The following KCNK4 variants were observed in gnomAD, a reference collection of about 807,000 sequenced individuals.
KCNK4 encodes the protein potassium channel subfamily K member 4.
Under a neutral mutation model 28.8 loss-of-function variants are expected in KCNK4, and 22 were observed. The ratio of observed to expected loss-of-function variants is 0.76; its 90% CI spans 0.55 to 1.09. The LOEUF is 1.09. KCNK4 is among the 50% of genes least tolerant of loss of function. The probability of loss-of-function intolerance (pLI) is 0.00; values close to 1 mark genes in which losing one functional copy is unlikely to be tolerated. For synonymous variants in KCNK4, 263 were observed against 252.9 expected (o/e 1.04, Z -0.38); for missense variants, 483 against 546.3 (o/e 0.88, Z 1.15).
At chr11:64,291,914 CG>C in intron 1 of KCNK4, 1 of 624,102 alleles carries the variant, frequency 1.6e-6, no homozygotes, top group Non-Finnish European at 2.1e-6. Context: ...CCGCCGGTCC[CG>C]CCGCCCGCCA....
intron 2 of KCNK4, among the ~76,000 whole-genome samples, chr11:64,295,362 G>C (rs1472721556): frequency 6.6e-6 from 1 of 152,128 alleles, no homozygotes; most frequent in Non-Finnish European, 1.5e-5. Context: ...GTAGAGACGA[G>C]GGGCAAGAGA....
chr11:64,299,911 A>G lies in KCNK4; in HGVS notation c.*185A>G. ...CTTCCATCCATCTCTAGACCCCCCC[A>G]AGGCTTTCTGTGTCGCTGCCCCGGG... On this transcript the variant is annotated 3_prime_UTR_variant, in exon 7 of 7. Transcript: ENST00000422670. 1 of 1,141,250 alleles carries G rather than the reference A, an allele frequency of 8.8e-7. No homozygotes were observed. The allele number at this position is 1,141,250 out of a possible 1,614,324, so 70.7% of individuals were successfully genotyped here.
chr11:64,293,224 C>T lies in KCNK4; in HGVS notation c.189+17C>T. On this transcript the variant is annotated intron_variant, in intron 2 of 6. Coordinates refer to ENST00000422670, the MANE Select transcript of KCNK4 (RefSeq NM_033310.3). The stretch of plus-strand genomic sequence containing the variant: ...CTCATCAAGGTGCGTGGGTGGGCCG[C>T]AGCCCCTTCAGCTGTCACCCATCAC... 7.0e-7 allele frequency: 1 copy of T among 1,431,150 alleles called. No individual in the cohort carries two copies. The highest frequency in any genetic ancestry group is 9.2e-7 in the Non-Finnish European group (1 of 1,085,922). The allele number at this position is 1,431,150 out of a possible 1,614,324, so 88.7% of individuals were successfully genotyped here.
At chr11:64,299,224 C>A in intron 6 of KCNK4, 122 bp from the exon 7 acceptor site, 1 of 953,640 alleles carries the variant, frequency 1.0e-6, no homozygotes. Flanking sequence ...CTGGCTGAGG[C>A]TGGAGGACCA....
chr11:64,292,957 A>C lies in KCNK4; in HGVS notation c.-62A>C, dbSNP rs1424542651. ...TTGCCCGCAGTGACGACAGCTCCCC[A>C]GGAGCCCCCCGCCCGGCCCCTCCAG... On this transcript the variant is annotated 5_prime_UTR_variant, in exon 2 of 7. Transcript: ENST00000422670. 2.7e-6 allele frequency: 4 copies of C among 1,485,650 alleles called. No homozygotes were observed. In the African/African-American group the frequency reaches 4.2e-5, roughly 16 times the overall value. The allele number at this position is 1,485,650 out of a possible 1,614,324, so 92.0% of individuals were successfully genotyped here.
At chr11:64,299,322 G>T (rs768760681) in intron 6 of KCNK4, 24 bp from the exon 7 acceptor site, 2 of 1,504,510 alleles carry the variant, frequency 1.3e-6, no homozygotes, top group Non-Finnish European at 1.8e-6. Flanking sequence ...CTCTAGTCGA[G>T]GGCTGCTTTC....
chr11:64,296,899 G>T lies in KCNK4; in HGVS notation c.211G>T (p.Gly71Trp). The T allele has an allele frequency of 6.6e-7, 1 of 1,510,332 alleles. No individual in the cohort carries two copies. The highest frequency in any genetic ancestry group is 1.4e-5 in the South Asian group (1 of 73,614). 93.6% of individuals were successfully genotyped at this position (1,510,332 alleles called of 1,614,324 possible). ...LIKEVADALGGGADPETNSTS... is the reference protein window; with the variant it reads ...LIKEVADALGWGADPETNSTS... ...GCAGGAGGTGGCTGATGCCCTGGGAGGGGGTGCGGACCCAGAAACCAACTC... is the reference window on the plus strand; with the variant it reads ...GCAGGAGGTGGCTGATGCCCTGGGATGGGGTGCGGACCCAGAAACCAACTC... The change falls in exon 3 of 7, where the codon GGG becomes TGG. Residue 71 changes from glycine to tryptophan, a missense_variant. By Grantham distance (184) the Gly-to-Trp change is radical (BLOSUM62 -2). Transcript: ENST00000422670.
intron 1 of KCNK4, chr11:64,291,913 C>A: frequency 1.6e-6 from 1 of 615,136 alleles, no homozygotes. Flanking sequence ...GCCGCCGGTC[C>A]CGCCGCCCGC....
At position 64,300,000 on chromosome 11, in the gene KCNK4, G is replaced by A; in HGVS notation, c.*274G>A. 1.6e-6 allele frequency: 1 copy of A among 635,426 alleles called. No individual in the cohort carries two copies. The highest frequency in any genetic ancestry group is 2.7e-6 in the Non-Finnish European group (1 of 369,200). 39.4% of individuals were successfully genotyped at this position (635,426 alleles called of 1,614,324 possible). A position where few individuals can be genotyped will look rare whatever the true frequency, so the allele number is the denominator to read the frequency against. On this transcript the variant is annotated 3_prime_UTR_variant, in exon 7 of 7. Transcript: ENST00000422670. ...AAGCCTGCATCAATAAATGAAAACGGTCTGCACCGCTGCGGGCGTGACGCT... is the reference window on the plus strand; with the variant it reads ...AAGCCTGCATCAATAAATGAAAACGATCTGCACCGCTGCGGGCGTGACGCT...
intron 1 of KCNK4, 65 bp downstream of exon 1, chr11:64,291,631 G>A (rs1166724766): frequency 6.6e-6 from 1 of 151,906 alleles, no homozygotes; most frequent in Non-Finnish European, 1.5e-5. Flanking sequence ...GCGCCGGAGG[G>A]GTTAACCGCG....
chr11:64,297,115 C>A lies in KCNK4; in HGVS notation c.314-4C>A. 1 of 1,614,152 alleles carries A rather than the reference C, an allele frequency of 6.2e-7. No individual in the cohort carries two copies. Among genetic ancestry groups the A allele is most frequent in the Non-Finnish European group, 8.5e-7 (1 of 1,180,032 alleles). On this transcript the variant is annotated splice_region_variant and splice_polypyrimidine_tract_variant and intron_variant, in intron 3 of 6. Transcript: ENST00000422670. ...TAGACTTCCTGCATCGCCCCTCTGC[C>A]CAGGCTATGGCAATGTGGCCCTGCG...
chr11:64,297,476 G>C lies in KCNK4; in HGVS notation c.484G>C (p.Val162Leu). The C allele has an allele frequency of 6.2e-7, 1 of 1,614,060 alleles. No individual in the cohort carries two copies. Among genetic ancestry groups the C allele is most frequent in the Non-Finnish European group, 8.5e-7 (1 of 1,179,984 alleles). The change falls in exon 5 of 7, where the codon GTG (valine) becomes CTG (leucine). Residue 162 changes from valine to leucine, a missense_variant. Val to Leu is a conservative substitution (Grantham distance 32, BLOSUM62 1). Coordinates refer to ENST00000422670, the MANE Select transcript of KCNK4 (RefSeq NM_033310.3). ...CTGCCCCATCCCGCAGAAGTGGCAC[G>C]TGCCACCGGAGCTAGTAAGAGTGCT... Reference protein sequence around the residue: ...HIEAIFLKWHVPPELVRVLSA... With the variant: ...HIEAIFLKWHLPPELVRVLSA...
Position 64,296,886 on chromosome 11 carries a change from T to A in KCNK4, c.198T>A (p.Ala66=). Residue 66 remains alanine (A), a synonymous_variant, in exon 3 of 7, where the codon GCT becomes GCA. Transcript: ENST00000422670. ...TGCACCTTGTCCTGCAGGAGGTGGC[T>A]GATGCCCTGGGAGGGGGTGCGGACC... ...QELGLLIKEV[A]DALGGGADPE... 1 of 1,510,316 alleles carries A rather than the reference T, an allele frequency of 6.6e-7. No homozygotes were observed. The highest frequency in any genetic ancestry group is 8.8e-7 in the Non-Finnish European group (1 of 1,131,126). 93.6% of individuals were successfully genotyped at this position (1,510,316 alleles called of 1,614,324 possible).
chr11:64,299,631 C>G lies in KCNK4; in HGVS notation c.1087C>G (p.Arg363Gly). ...TQSERGCPLP[R>G]APRGRRRPNP... ...GAGCGAGCGCGGCTGCCCGCTGCCC[C>G]GCGCGCCGAGAGGTCGCCGCCGCCC... Residue 363 changes from arginine (R) to glycine (G), a missense_variant, in exon 7 of 7, where the codon CGC (arginine) becomes GGC (glycine). Arg to Gly is a moderately radical substitution (Grantham distance 125). Coordinates refer to ENST00000422670, the MANE Select transcript of KCNK4 (RefSeq NM_033310.3). 1 of 1,607,912 alleles carries G rather than the reference C, an allele frequency of 6.2e-7. No individual in the cohort carries two copies. Among genetic ancestry groups the G allele is most frequent in the Non-Finnish European group, 8.5e-7 (1 of 1,177,760 alleles).
rs200879755 is a variant in KCNK4, at chr11:64,296,893, C to G, written c.205C>G (p.Leu69Val). 8 of 1,510,950 alleles carry G rather than the reference C, an allele frequency of 5.3e-6. 1 individual carries two copies. In the Admixed American group the frequency reaches 1.9e-4, roughly 35 times the overall value. The allele number at this position is 1,510,950 out of a possible 1,614,324, so 93.6% of individuals were successfully genotyped here. ...TGTCCTGCAGGAGGTGGCTGATGCC[C>G]TGGGAGGGGGTGCGGACCCAGAAAC... is the stretch of plus-strand genomic sequence containing the variant. ...GLLIKEVADALGGGADPETNS... is the reference protein window; with the variant it reads ...GLLIKEVADAVGGGADPETNS... Residue 69 changes from leucine to valine, a missense_variant, in exon 3 of 7, where the codon CTG (leucine) becomes GTG (valine). Leu to Val is a conservative substitution (Grantham distance 32). Coordinates refer to ENST00000422670, the MANE Select transcript of KCNK4 (RefSeq NM_033310.3).
rs1425848330 is a variant in KCNK4, at chr11:64,297,227, G to C, written c.422G>C (p.Arg141Pro). ...ATCCTACTGGCAGGGGTCGGGGACC[G>C]GCTGGGCTCCTCCCTGCGCCATGGC... ...FGILLAGVGD[R>P]LGSSLRHGIG... The change falls in exon 4 of 7, where the codon CGG becomes CCG. Residue 141 changes from arginine (R) to proline (P), a missense_variant. Physicochemically the swap from Arg to Pro is moderately radical, Grantham distance 103. Transcript: ENST00000422670. The C allele has an allele frequency of 1.2e-6, 2 of 1,614,018 alleles. No individual in the cohort carries two copies. Among genetic ancestry groups the C allele is most frequent in the East Asian group, 2.2e-5 (1 of 44,874 alleles).
In KCNK4 at chr11:64,298,151, G is replaced by T; in HGVS notation, c.703G>T (p.Val235Leu). Residue 235 changes from valine (V) to leucine (L), a missense_variant, in exon 6 of 7, where the codon GTG (valine) becomes TTG (leucine). Physicochemically the swap from Val to Leu is conservative, Grantham distance 32 (BLOSUM62 1). Transcript: ENST00000422670. ...GGACTCCCCGGCCTATCAGCCGCTG[G>T]TGTGGTTCTGGATCCTGCTCGGCCT... Reference protein sequence around the residue: ...RQDSPAYQPLVWFWILLGLAY... With the variant: ...RQDSPAYQPLLWFWILLGLAY... 1 of 1,613,946 alleles carries T rather than the reference G, an allele frequency of 6.2e-7. No homozygotes were observed. The highest frequency in any genetic ancestry group is 8.5e-7 in the Non-Finnish European group (1 of 1,180,022).
At chr11:64,298,915 C>T (rs2034846838) in intron 6 of KCNK4, among the ~76,000 whole-genome samples, 1 of 151,662 alleles carries the variant, frequency 6.6e-6, no homozygotes, top group Non-Finnish European at 1.5e-5. Context: ...GTGGCGGGCG[C>T]CTGTAATCCA....
chr11:64,294,515 C>CAAAAAA lies in KCNK4; in HGVS notation c.189+1324_189+1329dup, dbSNP rs771542870. ...CCAGCCCAGCCTGGATGATCGGTCT[C>CAAAAAA]AAAAAAAAAAAAAAAAAAAAAGAAA... is the stretch of plus-strand genomic sequence containing the variant. On this transcript the variant is annotated intron_variant, in intron 2 of 6. Transcript: ENST00000422670. Among the ~76,000 whole-genome samples the CAAAAAA allele has an allele frequency of 7.5e-4, 69 of 91,792 alleles. 1 individual carries two copies. The highest frequency in any genetic ancestry group is 3.1e-3 in the East Asian group (10 of 3,244). The allele number at this position is 91,792 out of a possible 152,430, so 60.2% of individuals were successfully genotyped here. A position where few individuals can be genotyped will look rare whatever the true frequency, so the allele number is the denominator to read the frequency against.
Sources: gnomAD v4.1 joint callset for allele counts (sites outside exome capture counted in the v4.1 genomes callset) on GRCh38, gnomAD v4.1.1 for gene constraint, MANE v1.5 for transcripts, NCBI Gene and HGNC (gene_info 2026-07-23, HGNC 2026-07-21) for gene names.